The following CEP112 variants were observed in gnomAD, a reference collection of about 807,000 sequenced individuals.
The protein encoded by CEP112 is centrosomal protein 112.
CEP112 carries 127 observed loss-of-function variants against 153.0 expected under a neutral mutation model. That is an observed-to-expected ratio of 0.83 (90% CI 0.72 to 0.96). The LOEUF (loss-of-function observed/expected upper bound fraction) is 0.96, where lower values mean the gene tolerates loss of function less well. CEP112 is among the 40% of genes least tolerant of loss of function. The pLI is 0.00. For missense variants in CEP112, 1,089 were observed against 1,101.2 expected, an observed-to-expected ratio of 0.99 and a Z score of 0.16; for synonymous variants, 358 against 374.4, an observed-to-expected ratio of 0.96 and a Z score of 0.51.
chr17:66,026,728 C>T (rs1422447579), intron 16 of CEP112, among the ~76,000 whole-genome samples: 2 of 152,318 alleles, frequency 1.3e-5, no homozygotes, highest in African/African-American at 4.8e-5. Context: ...ACACATCCTC[C>T]TATGTACTTT....
chr17:65,828,702 A>T (rs1568080072), intron 21 of CEP112, among the ~76,000 whole-genome samples: 1 of 152,104 alleles, frequency 6.6e-6, no homozygotes, highest in African/African-American at 2.4e-5. Flanking sequence ...TTGATTTATC[A>T]GTATAGTAAT....
intron 21 of CEP112, among the ~76,000 whole-genome samples, chr17:65,802,829 G>A (rs536102969): frequency 9.9e-5 from 15 of 152,230 alleles, no homozygotes; most frequent in Admixed American, 1.3e-4. Flanking sequence ...AAAGATGGCC[G>A]CATCAATATA....
chr17:66,175,115 T>A lies in CEP112; in HGVS notation c.399A>T (p.Lys133Asn). ...VLGELETSEH[K>N]LNESWKLSSG... ...AAGAGAGTTTCCATGATTCATTTAA[T>A]TTGTGTTCACTTGTCTCCAGCTCAC... Residue 133 changes from lysine to asparagine, a missense_variant, in exon 4 of 27, where the codon AAA becomes AAT. Transcript: ENST00000535342. 6.2e-7 allele frequency: 1 copy of A among 1,613,662 alleles called. No homozygotes were observed.
At chr17:66,095,289 TAC>T (rs964428901) in intron 8 of CEP112, among the ~76,000 whole-genome samples, 71 of 151,382 alleles carry the variant, frequency 4.7e-4, no homozygotes, top group Non-Finnish European at 7.2e-4. Flanking sequence ...TATATACACA[TAC>T]ACACACACAC....
At chr17:65,967,016 TG>T (rs1259229077) in intron 17 of CEP112, among the ~76,000 whole-genome samples, 2 of 152,186 alleles carry the variant, frequency 1.3e-5, no homozygotes, top group African/African-American at 4.8e-5. Context: ...ATAAGCTCAA[TG>T]AAACTATGAT....
intron 21 of CEP112, among the ~76,000 whole-genome samples, chr17:65,779,701 A>C (rs1452436962): frequency 1.3e-5 from 2 of 152,182 alleles, no homozygotes; most frequent in Admixed American, 1.3e-4. Context: ...CAGAAACAGA[A>C]GCTAATAATT....
At chr17:65,690,175 A>G (rs1258185820) in intron 23 of CEP112, among the ~76,000 whole-genome samples, 1 of 151,452 alleles carries the variant, frequency 6.6e-6, no homozygotes. Flanking sequence ...CTGTGATCTC[A>G]GCACTTTCAA....
At chr17:66,061,226 T>A (rs1270598935) in intron 11 of CEP112, among the ~76,000 whole-genome samples, 4 of 151,906 alleles carry the variant, frequency 2.6e-5, no homozygotes, top group African/African-American at 4.8e-5. Flanking sequence ...AAACTTACAA[T>A]GAGATATCAT....
At chr17:65,648,773 G>A (rs1051443339) in intron 24 of CEP112, among the ~76,000 whole-genome samples, 7 of 152,154 alleles carry the variant, frequency 4.6e-5, no homozygotes, top group South Asian at 2.1e-4. Context: ...CACATTGACC[G>A]GGTGGACTGG....
intron 23 of CEP112, among the ~76,000 whole-genome samples, chr17:65,734,557 A>G (rs533127248): frequency 6.2e-4 from 94 of 152,374 alleles, no homozygotes; most frequent in Non-Finnish European, 9.8e-4. Flanking sequence ...ATTTTAATAG[A>G]AAAATAACTA....
intron 18 of CEP112, among the ~76,000 whole-genome samples, chr17:65,952,495 T>C (rs1326402792): frequency 6.6e-6 from 1 of 152,118 alleles, no homozygotes; most frequent in East Asian, 1.9e-4. Context: ...ACATACCACA[T>C]TTCATTTATC....
chr17:65,876,367 T>C (rs1304716964), intron 20 of CEP112, among the ~76,000 whole-genome samples: 2 of 152,342 alleles, frequency 1.3e-5, no homozygotes, highest in Non-Finnish European at 2.9e-5. Context: ...GTCTGACTTG[T>C]AATTTTTCCT....
At chr17:66,002,777 T>C (rs2064115790) in intron 17 of CEP112, among the ~76,000 whole-genome samples, 1 of 152,154 alleles carries the variant, frequency 6.6e-6, no homozygotes, top group Admixed American at 6.5e-5. Context: ...TACTATATAT[T>C]CAACATGCAC....
chr17:65,906,901 C>A (rs1265980321), intron 19 of CEP112, among the ~76,000 whole-genome samples: 1 of 152,152 alleles, frequency 6.6e-6, no homozygotes, highest in East Asian at 1.9e-4. Context: ...CAACAAGGAT[C>A]ATTATAATAA....
intron 6 of CEP112, among the ~76,000 whole-genome samples, chr17:66,102,568 T>G (rs899467073): frequency 3.3e-5 from 5 of 150,818 alleles, no homozygotes; most frequent in Non-Finnish European, 7.4e-5. Flanking sequence ...GAGGCCGAGG[T>G]GGGCAGATCA....
intron 20 of CEP112, among the ~76,000 whole-genome samples, chr17:65,885,840 G>A (rs2059257562): frequency 1.3e-5 from 2 of 152,116 alleles, no homozygotes; most frequent in South Asian, 4.1e-4. Context: ...TCCAATTCGA[G>A]AACTGTACTA....
chr17:65,843,658 G>A (rs2057608370), intron 21 of CEP112, among the ~76,000 whole-genome samples: 1 of 152,092 alleles, frequency 6.6e-6, no homozygotes. Flanking sequence ...GTTGCTCAAA[G>A]CCTTTTCATG....
At chr17:66,031,489 T>TC (rs1383003918) in intron 12 of CEP112, among the ~76,000 whole-genome samples, 6 of 149,198 alleles carry the variant, frequency 4.0e-5, no homozygotes, top group Middle Eastern at 3.2e-3. Flanking sequence ...TTTTTTTGTT[T>TC]TTTTTTTTTT....
rs201390850 is a variant in CEP112, at chr17:66,078,247, CTTTTCTTTTCT to C, written c.769-8257_769-8247del. On this transcript the variant is annotated intron_variant, in intron 8 of 26. Transcript: ENST00000535342. ...CTGTGCTTTTGTATCTTTTTTTTTTCTTTTCTTTTCTTTTTCTTTTTTTTTTTTTTGAGACG... is the reference window on the plus strand; with the variant it reads ...CTGTGCTTTTGTATCTTTTTTTTTTCTTTTCTTTTTTTTTTTTTTGAGACG... 0.015 allele frequency among the ~76,000 whole-genome samples: 1,097 copies of C among 71,094 alleles called. 44 individuals carry two copies. In the East Asian group the frequency reaches 0.43, roughly 28 times the overall value. The allele number at this position is 71,094 out of a possible 152,430, so 46.6% of individuals were successfully genotyped here.
Sources: gnomAD v4.1 joint callset for allele counts (sites outside exome capture counted in the v4.1 genomes callset) on GRCh38, gnomAD v4.1.1 for gene constraint, MANE v1.5 for transcripts, NCBI Gene and HGNC (gene_info 2026-07-23, HGNC 2026-07-21) for gene names.